SDHA: variants seen among roughly 807,000 people sequenced by gnomAD.
The protein encoded by SDHA is succinate dehydrogenase [ubiquinone] flavoprotein subunit, mitochondrial.
In SDHA, 48 loss-of-function variants were observed where a neutral mutation model predicts 78.4. The observed-to-expected ratio is 0.61, with a 90% CI of 0.49 to 0.78. The LOEUF is 0.78. Among genes scored for constraint, SDHA ranks in the 30% least tolerant of loss-of-function variants. The pLI is 0.00. For synonymous variants in SDHA, 326 were observed against 353.9 expected, an observed-to-expected ratio of 0.92 and a Z score of 0.88; for missense variants, 680 against 892.7, an observed-to-expected ratio of 0.76 and a Z score of 3.04.
At position 251,130 on chromosome 5, in the gene SDHA, A is replaced by G. The variant is rs752376728; in HGVS notation, c.1663+27A>G. On this transcript the variant is annotated intron_variant, in intron 12 of 14. Coordinates refer to ENST00000264932, the MANE Select transcript of SDHA (RefSeq NM_004168.4). ...TGAGCAGACAGTGGGCTCTGTGCACACTGTTGGGCCCTTCCTTCTGCAGGG... is the reference window on the plus strand; with the variant it reads ...TGAGCAGACAGTGGGCTCTGTGCACGCTGTTGGGCCCTTCCTTCTGCAGGG... The G allele has an allele frequency of 5.6e-6, 9 of 1,603,500 alleles. No individual in the cohort carries two copies. The East Asian group carries it at 1.6e-4, about 28-fold the overall frequency.
At chr5:218,443 C>CGGGGCAGGCG in intron 1 of SDHA, 25 bp downstream of exon 1, 2 of 1,361,042 alleles carry the variant, frequency 1.5e-6, no homozygotes. Context: ...CGGACCGGGG[C>CGGGGCAGGCG]GGGGCAGGCG....
At chr5:227,193 T>C (rs2126554673) in intron 5 of SDHA, among the ~76,000 whole-genome samples, 1 of 152,196 alleles carries the variant, frequency 6.6e-6, no homozygotes, top group African/African-American at 2.4e-5. Flanking sequence ...TGTATTTTAG[T>C]AGAGACAGGG....
chr5:262,388 G>GATCTGCCCCCTGTCAT, the SDHA span, among the ~76,000 whole-genome samples: 5 of 122,946 alleles, frequency 4.1e-5, no homozygotes, highest in South Asian at 2.3e-4. Context: ...TCCTGTCCAA[G>GATCTGCCCCCTGTCAT]CATTACTGTG....
the SDHA span, among the ~76,000 whole-genome samples, chr5:265,502 C>T: frequency 6.6e-6 from 1 of 152,186 alleles, no homozygotes; most frequent in Non-Finnish European, 1.5e-5. Context: ...GAGGGAAGAT[C>T]AGCGATTATC....
chr5:225,354 T>A, intron 3 of SDHA, 65 bp from the exon 4 acceptor site: 1 of 1,608,670 alleles, frequency 6.2e-7, no homozygotes, highest in South Asian at 1.1e-5. Context: ...GCGGGTGGAT[T>A]TGGGCCTGGA....
intron 1 of SDHA, among the ~76,000 whole-genome samples, chr5:219,310 C>G (rs1734582372): frequency 6.6e-6 from 1 of 152,182 alleles, no homozygotes. Context: ...ACGATTGCAT[C>G]TTAAGAATCG....
chr5:238,445 G>GTT (rs145428473), intron 10 of SDHA, among the ~76,000 whole-genome samples: 1 of 138,918 alleles, frequency 7.2e-6, no homozygotes, highest in Non-Finnish European at 1.5e-5. Context: ...ACATATATAT[G>GTT]TATTTTTTTT....
chr5:226,642 G>C (rs1184795099), intron 5 of SDHA, among the ~76,000 whole-genome samples: 1 of 146,050 alleles, frequency 6.8e-6, no homozygotes, highest in Non-Finnish European at 1.5e-5. Flanking sequence ...AAAAGAGAAA[G>C]AACAGGCTGG....
chr5:258,142 C>T (rs1198783882), downstream of SDHA, among the ~76,000 whole-genome samples: 12 of 81,708 alleles, frequency 1.5e-4, no homozygotes, highest in African/African-American at 5.6e-4. Flanking sequence ...GCTCCGCCCC[C>T]GTTAGAGCAT....
At chr5:251,138 G>T in intron 12 of SDHA, 35 bp downstream of exon 12, 2 of 1,600,816 alleles carry the variant, frequency 1.2e-6, no homozygotes, top group Admixed American at 1.7e-5. Context: ...ACACTGTTGG[G>T]CCCTTCCTTC....
Position 235,256 on chromosome 5 carries a change from G to T in SDHA, c.1177G>T (p.Val393Leu), listed in dbSNP as rs372989971. The change falls in exon 9 of 15, where the codon GTG becomes TTG. Residue 393 changes from valine to leucine, a missense_variant. Physicochemically the swap from Val to Leu is conservative, Grantham distance 32. Transcript: ENST00000264932. Reference sequence around the variant, plus strand: ...AGAGACAGCCATGATCTTCGCTGGCGTGGACGTCACGAAGGAGCCGATCCC... The same window carrying T: ...AGAGACAGCCATGATCTTCGCTGGCTTGGACGTCACGAAGGAGCCGATCCC... ...ISETAMIFAG[V>L]DVTKEPIPVL... The T allele has an allele frequency of 3.2e-5, 52 of 1,613,922 alleles. 1 individual carries two copies. In the South Asian group the frequency reaches 5.2e-4, roughly 16 times the overall value.
At chr5:226,379 C>T (rs574645194) in intron 5 of SDHA, among the ~76,000 whole-genome samples, 32 of 152,302 alleles carry the variant, frequency 2.1e-4, no homozygotes, top group African/African-American at 7.2e-4. Context: ...GGTCTGTAAT[C>T]CCAGCACTTT....
chr5:238,162 G>A (rs917865889), intron 10 of SDHA, among the ~76,000 whole-genome samples: 1 of 151,928 alleles, frequency 6.6e-6, no homozygotes, highest in African/African-American at 2.4e-5. Flanking sequence ...AAGGCTGCAT[G>A]CCTGTGGTTC....
chr5:257,464 G>C (rs1467277344), downstream of SDHA, among the ~76,000 whole-genome samples: 1 of 148,672 alleles, frequency 6.7e-6, no homozygotes, highest in African/African-American at 2.5e-5. Context: ...TGCTGCCAGA[G>C]CATTACTCTG....
At chr5:241,106 G>T (rs905680135) in intron 11 of SDHA, among the ~76,000 whole-genome samples, 3 of 152,108 alleles carry the variant, frequency 2.0e-5, no homozygotes, top group African/African-American at 7.3e-5. Flanking sequence ...CACATAGAAG[G>T]TCGGCAGACT....
chr5:251,975 T>C (rs1472125886), intron 13 of SDHA: 9 of 347,712 alleles, frequency 2.6e-5, no homozygotes, highest in African/African-American at 1.5e-4. Context: ...TAAGCCACCG[T>C]TTCAAGCCTG....
At chr5:243,584 A>T (rs1358365990) in intron 11 of SDHA, among the ~76,000 whole-genome samples, 1 of 152,168 alleles carries the variant, frequency 6.6e-6, no homozygotes, top group East Asian at 1.9e-4. Flanking sequence ...TCAGGTAGAG[A>T]ACAATACCCT....
Position 233,584 on chromosome 5 carries a change from A to G in SDHA, c.1003A>G (p.Lys335Glu), listed in dbSNP as rs376745214. Residue 335 changes from lysine to glutamate, a missense_variant, in exon 8 of 15, where the codon AAG (lysine) becomes GAG (glutamate). Coordinates refer to ENST00000264932, the MANE Select transcript of SDHA (RefSeq NM_004168.4). Reference sequence around the variant, plus strand: ...TATGGAGCGATACGCCCCTGTCGCGAAGGACCTGGCGTCTAGAGATGTGGT... The same window carrying G: ...TATGGAGCGATACGCCCCTGTCGCGGAGGACCTGGCGTCTAGAGATGTGGT... ...RFMERYAPVA[K>E]DLASRDVVSR... The G allele has an allele frequency of 6.2e-7, 1 of 1,614,210 alleles. No homozygotes were observed. The highest frequency in any genetic ancestry group is 8.5e-7 in the Non-Finnish European group (1 of 1,180,030).
At chr5:250,492 C>T (rs1329527647) in intron 11 of SDHA, 1 of 232,398 alleles carries the variant, frequency 4.3e-6, no homozygotes, top group African/African-American at 2.3e-5. Flanking sequence ...GGCCAAGGGC[C>T]CCAGCCACCC....
Sources: gnomAD v4.1 joint callset for allele counts (sites outside exome capture counted in the v4.1 genomes callset) on GRCh38, gnomAD v4.1.1 for gene constraint, MANE v1.5 for transcripts, NCBI Gene and HGNC (gene_info 2026-07-23, HGNC 2026-07-21) for gene names.